Variants in AIG1 observed in about 807,000 individuals in gnomAD.
AIG1 encodes androgen induced 1.
In AIG1, 23 loss-of-function variants were observed where a neutral mutation model predicts 31.4. That is an observed-to-expected ratio of 0.73 (90% CI 0.53 to 1.04). AIG1 has a LOEUF of 1.04. AIG1 is among the 50% of genes least tolerant of loss of function. The pLI is 0.00. For synonymous variants in AIG1, 100 were observed against 110.5 expected (o/e 0.90, Z 0.60); for missense variants, 274 against 295.0 (o/e 0.93, Z 0.52).
chr6:143,099,200 A>T (rs1041950026), intron 1 of AIG1, among the ~76,000 whole-genome samples: 1 of 152,354 alleles, frequency 6.6e-6, no homozygotes, highest in South Asian at 2.1e-4. Flanking sequence ...AGTAGTAAAT[A>T]TCAGCAGCTC....
At position 143,302,219 on chromosome 6, in the gene AIG1, A is replaced by T. The variant is rs574277811; in HGVS notation, c.515+17994A>T. Among the ~76,000 whole-genome samples, 38 of 145,704 alleles carry T rather than the reference A, an allele frequency of 2.6e-4. 1 individual carries two copies. In the East Asian group the frequency reaches 3.9e-3, roughly 15 times the overall value. On this transcript the variant is annotated intron_variant, in intron 4 of 5. Transcript: ENST00000357847. ...TTTTATTTTTTTCTTTCTTTTTTTT[A>T]ATTTAATTTTATTATTATTATACTT...
At chr6:143,209,208 A>G (rs1456706840) in intron 3 of AIG1, among the ~76,000 whole-genome samples, 1 of 152,222 alleles carries the variant, frequency 6.6e-6, no homozygotes, top group Non-Finnish European at 1.5e-5. Flanking sequence ...TTTACCACGT[A>G]CTGAATTTAC....
chr6:143,235,930 C>G (rs1038349406), intron 3 of AIG1, among the ~76,000 whole-genome samples: 1 of 152,008 alleles, frequency 6.6e-6, no homozygotes, highest in South Asian at 2.1e-4. Context: ...GGGAGGGCAC[C>G]TCTCCAATGA....
chr6:143,257,643 A>C (rs1006004387), intron 3 of AIG1, among the ~76,000 whole-genome samples: 3 of 152,162 alleles, frequency 2.0e-5, no homozygotes, highest in African/African-American at 7.2e-5. Context: ...TCCAACCCTA[A>C]ATGGCTCAGC....
intron 3 of AIG1, chr6:143,187,718 G>C: frequency 6.5e-7 from 1 of 1,536,032 alleles, no homozygotes; most frequent in Non-Finnish European, 8.7e-7. Context: ...GCTTGCTCCA[G>C]CAATGACTAA....
chr6:143,159,535 A>T (rs1241137746), intron 2 of AIG1, among the ~76,000 whole-genome samples: 1 of 152,258 alleles, frequency 6.6e-6, no homozygotes, highest in Admixed American at 6.5e-5. Flanking sequence ...TAGCATAAAA[A>T]ATTAACATTA....
Position 143,258,773 on chromosome 6 carries a change from T to C in AIG1, c.400-25337T>C, listed in dbSNP as rs964380738. ...CCCTGTCAAAACTGAGGTTGAAATTTGGTCCCCTCTGTGTTGGTGTTGGAA... is the reference window on the plus strand; with the variant it reads ...CCCTGTCAAAACTGAGGTTGAAATTCGGTCCCCTCTGTGTTGGTGTTGGAA... On this transcript the variant is annotated intron_variant, in intron 3 of 5. Transcript: ENST00000357847. This position sits in a 1 kb window ranked among gnomAD's most constrained non-coding sequence, Gnocchi z 4.7. Among the ~76,000 whole-genome samples the C allele has an allele frequency of 6.6e-6, 1 of 152,244 alleles. No individual in the cohort carries two copies. The highest frequency in any genetic ancestry group is 2.4e-5 in the African/African-American group (1 of 41,466).
chr6:143,093,523 T>C (rs1434915717), intron 1 of AIG1, among the ~76,000 whole-genome samples: 1 of 152,254 alleles, frequency 6.6e-6, no homozygotes, highest in East Asian at 1.9e-4. Context: ...TTTTATCATT[T>C]CAGTGTTCAC....
chr6:143,133,558 A>G (rs1238391632), intron 1 of AIG1, among the ~76,000 whole-genome samples: 1 of 152,118 alleles, frequency 6.6e-6, no homozygotes, highest in Non-Finnish European at 1.5e-5. Context: ...ATGTGGGAAA[A>G]AGGAAAATTT....
At chr6:143,070,536 A>G (rs1166443267) in intron 1 of AIG1, among the ~76,000 whole-genome samples, 1 of 152,212 alleles carries the variant, frequency 6.6e-6, no homozygotes, top group African/African-American at 2.4e-5. Context: ...AAGAAAAGAA[A>G]CTTATGTCTT....
chr6:143,194,062 A>G (rs922051395), intron 3 of AIG1, among the ~76,000 whole-genome samples: 4 of 152,236 alleles, frequency 2.6e-5, no homozygotes, highest in African/African-American at 4.8e-5. Flanking sequence ...TTATGAGGGC[A>G]TGATTCTTCC....
At chr6:143,206,425 T>C (rs1454692483) in intron 3 of AIG1, among the ~76,000 whole-genome samples, 2 of 152,232 alleles carry the variant, frequency 1.3e-5, no homozygotes, top group East Asian at 3.8e-4. Context: ...TGGTATAATA[T>C]ACTCACCTTT....
chr6:143,326,132 C>T lies in AIG1; in HGVS notation c.516-7150C>T, dbSNP rs997487262. Among the ~76,000 whole-genome samples the T allele has an allele frequency of 2.6e-5, 4 of 152,180 alleles. No individual in the cohort carries two copies. Among genetic ancestry groups the T allele is most frequent in the Non-Finnish European group, 5.9e-5 (4 of 68,020 alleles). On this transcript the variant is annotated intron_variant, in intron 4 of 5. Coordinates refer to ENST00000357847, the MANE Select transcript of AIG1 (RefSeq NM_016108.4). This position sits in a 1 kb window ranked among gnomAD's most constrained non-coding sequence, Gnocchi z 4.5. ...CTCCTAGCCACTACCATTTCTGATACAATTGGTTCAGCTCAATCTGATCTA... is the reference window on the plus strand; with the variant it reads ...CTCCTAGCCACTACCATTTCTGATATAATTGGTTCAGCTCAATCTGATCTA...
intron 3 of AIG1, among the ~76,000 whole-genome samples, chr6:143,225,221 A>C (rs1015875601): frequency 6.6e-6 from 1 of 152,134 alleles, no homozygotes; most frequent in African/African-American, 2.4e-5. Context: ...CTGCCCAGTG[A>C]GAAGCTCTCC....
At chr6:143,235,195 CG>C (rs1793720917) in intron 3 of AIG1, among the ~76,000 whole-genome samples, 1 of 152,016 alleles carries the variant, frequency 6.6e-6, no homozygotes, top group South Asian at 2.1e-4. Flanking sequence ...GGCTATGCCC[CG>C]GGTGCTGTGG....
chr6:143,259,542 C>A (rs1795602304), intron 3 of AIG1, among the ~76,000 whole-genome samples: 1 of 152,128 alleles, frequency 6.6e-6, no homozygotes, highest in African/African-American at 2.4e-5. Flanking sequence ...TATATGTATG[C>A]CTTTCTTTTA....
intron 1 of AIG1, among the ~76,000 whole-genome samples, chr6:143,131,224 T>C (rs1163633715): frequency 6.6e-6 from 1 of 152,258 alleles, no homozygotes; most frequent in Non-Finnish European, 1.5e-5. Context: ...CCATTTATTC[T>C]TTCTTCCTTT....
intron 3 of AIG1, among the ~76,000 whole-genome samples, chr6:143,214,590 C>A (rs1034834480): frequency 6.6e-6 from 1 of 152,066 alleles, no homozygotes; most frequent in African/African-American, 2.4e-5. Context: ...CCATGCCATC[C>A]AAATCCTCCT....
chr6:143,261,949 T>G (rs1235635395), intron 3 of AIG1, among the ~76,000 whole-genome samples: 2 of 152,248 alleles, frequency 1.3e-5, no homozygotes, highest in African/African-American at 4.8e-5. Context: ...TTACAGCAAT[T>G]TCTCTTAATG....
Sources: gnomAD v4.1 joint callset for allele counts (sites outside exome capture counted in the v4.1 genomes callset) on GRCh38, gnomAD v4.1.1 for gene constraint, Gnocchi (gnomAD v3.1) non-coding constraint, MANE v1.5 for transcripts, NCBI Gene and HGNC (gene_info 2026-07-23, HGNC 2026-07-21) for gene names.